REV1: variants seen among roughly 807,000 people sequenced by gnomAD.
The protein encoded by REV1 is REV1 DNA directed polymerase.
Under a neutral mutation model 137.4 loss-of-function variants are expected in REV1, and 42 were observed. The ratio of observed to expected loss-of-function variants is 0.31; its 90% CI spans 0.24 to 0.40. The LOEUF is 0.40. Ranked by LOEUF, REV1 falls within the 10% of genes least tolerant of loss-of-function variation. The pLI, the probability that REV1 is intolerant of heterozygous loss-of-function variation, is 1.00. For synonymous variants in REV1, 524 were observed against 519.2 expected (o/e 1.01, Z -0.12); for missense variants, 1,282 against 1,490.1 (o/e 0.86, Z 2.30).
intron 3 of REV1, among the ~76,000 whole-genome samples, chr2:99,458,682 C>A (rs951406050): frequency 2.0e-5 from 3 of 152,166 alleles, no homozygotes; most frequent in Non-Finnish European, 2.9e-5. Context: ...TACATCCACA[C>A]TATGAAATAT....
chr2:99,458,197 CAAAG>C (rs1683746557), intron 3 of REV1, among the ~76,000 whole-genome samples: 1 of 151,888 alleles, frequency 6.6e-6, no homozygotes, highest in Non-Finnish European at 1.5e-5. Context: ...ACTTTTATGA[CAAAG>C]CAGTAGTCTC....
chr2:99,419,394 T>C (rs1678356338), intron 11 of REV1, among the ~76,000 whole-genome samples: 1 of 151,712 alleles, frequency 6.6e-6, no homozygotes, highest in South Asian at 2.1e-4. Context: ...TCTGTATTTT[T>C]ACAGACGGGG....
At chr2:99,414,979 A>G (rs1004308264) in intron 12 of REV1, among the ~76,000 whole-genome samples, 3 of 152,238 alleles carry the variant, frequency 2.0e-5, no homozygotes, top group East Asian at 1.9e-4. Context: ...ACCGTAATCA[A>G]TCTAATCTAA....
intron 17 of REV1, 40 bp from the exon 18 acceptor site, chr2:99,404,717 G>A: frequency 7.2e-7 from 1 of 1,391,066 alleles, no homozygotes; most frequent in Non-Finnish European, 1.0e-6. Context: ...GTTAAAGCAT[G>A]CTCAGAGATG....
At chr2:99,437,347 T>C (rs1680897502) in intron 6 of REV1, among the ~76,000 whole-genome samples, 1 of 152,078 alleles carries the variant, frequency 6.6e-6, no homozygotes, top group Non-Finnish European at 1.5e-5. Flanking sequence ...ATCACTTCTA[T>C]TCACAAAGAA....
intron 18 of REV1, 86 bp downstream of exon 18, chr2:99,404,358 A>G: frequency 1.4e-6 from 1 of 732,384 alleles, no homozygotes; most frequent in Non-Finnish European, 2.2e-6. Context: ...GATACAGAGG[A>G]GAAAGGGAAG....
At position 99,472,516 on chromosome 2, in the gene REV1, T is replaced by G. The variant is rs79084445; in HGVS notation, c.-10-7531A>C. On this transcript the variant is annotated intron_variant, in intron 1 of 22. Coordinates refer to ENST00000258428, the MANE Select transcript of REV1 (RefSeq NM_016316.4). ...ACTGAACAGTTAAAATGGTAAACTT[T>G]TATATGTATCGTACCACAATTAAGA... Among the ~76,000 whole-genome samples, 429 of 152,300 alleles carry G rather than the reference T, an allele frequency of 2.8e-3. 2 individuals are homozygous for G. The highest frequency in any genetic ancestry group is 5.3e-3 in the Non-Finnish European group (361 of 68,034).
chr2:99,486,151 C>A (rs1405957874), intron 1 of REV1, among the ~76,000 whole-genome samples: 1 of 152,102 alleles, frequency 6.6e-6, no homozygotes, highest in Non-Finnish European at 1.5e-5. Context: ...GAAAAAAATT[C>A]AATTAACCCA....
chr2:99,454,587 A>C (rs28612467), intron 3 of REV1, among the ~76,000 whole-genome samples: 4 of 90,278 alleles, frequency 4.4e-5, no homozygotes, highest in African/African-American at 4.7e-5. Context: ...AAAAAAAAAA[A>C]AAAACCCAAA....
chr2:99,477,027 A>G (rs1377222837), intron 1 of REV1, among the ~76,000 whole-genome samples: 1 of 152,160 alleles, frequency 6.6e-6, no homozygotes, highest in Admixed American at 6.5e-5. Context: ...TAACCTAAGG[A>G]TGGTGTGGAT....
chr2:99,431,871 T>C (rs779145394), intron 8 of REV1: 12 of 985,238 alleles, frequency 1.2e-5, no homozygotes, highest in Non-Finnish European at 1.3e-5. Flanking sequence ...TCATCAAAAC[T>C]TGACAAACTA....
intron 5 of REV1, among the ~76,000 whole-genome samples, chr2:99,441,098 G>A (rs1030060692): frequency 1.3e-5 from 2 of 150,856 alleles, no homozygotes; most frequent in African/African-American, 4.8e-5. Flanking sequence ...TTATTAATGT[G>A]GGTAAGAAAA....
At chr2:99,409,673 A>G (rs984949414) in intron 14 of REV1, among the ~76,000 whole-genome samples, 4 of 152,004 alleles carry the variant, frequency 2.6e-5, no homozygotes, top group African/African-American at 7.2e-5. Flanking sequence ...GTGAAACCCT[A>G]TCTCTACTGA....
At chr2:99,442,632 T>C (rs1681665246) in intron 4 of REV1, among the ~76,000 whole-genome samples, 163 bp from the exon 5 acceptor site, 1 of 152,184 alleles carries the variant, frequency 6.6e-6, no homozygotes, top group East Asian at 1.9e-4. Flanking sequence ...TAATACAATA[T>C]GATCTTAGAG....
chr2:99,432,328 CT>C (rs199919186), intron 8 of REV1, among the ~76,000 whole-genome samples: 7 of 149,492 alleles, frequency 4.7e-5, no homozygotes, highest in African/African-American at 1.2e-4. Context: ...TAGAACTGAT[CT>C]TTTTTTTTTC....
rs372395154 is a variant in REV1, at chr2:99,482,932, G to A, written c.-11+6885C>T. Among the ~76,000 whole-genome samples, 13 of 151,044 alleles carry A rather than the reference G, an allele frequency of 8.6e-5. No individual in the cohort carries two copies. The East Asian group carries it at 9.8e-4, about 11-fold the overall frequency. ...CTTGGGAGGCTGAGGCAGGACAATC[G>A]CTTGAACCTGGGAGGAGGAGGTTGC... On this transcript the variant is annotated intron_variant, in intron 1 of 22. Coordinates refer to ENST00000258428, the MANE Select transcript of REV1 (RefSeq NM_016316.4).
At position 99,465,894 on chromosome 2, in the gene REV1, C is replaced by G. The variant is rs564738598; in HGVS notation, c.-10-909G>C. Among the ~76,000 whole-genome samples, 13 of 152,276 alleles carry G rather than the reference C, an allele frequency of 8.5e-5. No homozygotes were observed. In the South Asian group the frequency reaches 2.7e-3, roughly 32 times the overall value. On this transcript the variant is annotated intron_variant, in intron 1 of 22. Transcript: ENST00000258428. ...TACTTAACAACACCTTAAACCATGA[C>G]ACTTTACCCCACACACATTAGCAGA...
intron 15 of REV1, 160 bp from the exon 16 acceptor site, chr2:99,406,650 T>TA (rs1676335696): frequency 2.0e-6 from 1 of 507,180 alleles, no homozygotes; most frequent in Admixed American, 4.1e-5. Flanking sequence ...TATGACTTAT[T>TA]ACAAAAACAA....
chr2:99,454,778 T>C (rs1575157087), intron 3 of REV1, among the ~76,000 whole-genome samples: 1 of 152,112 alleles, frequency 6.6e-6, no homozygotes, highest in East Asian at 1.9e-4. Flanking sequence ...ACTCCTACTA[T>C]TAGTTTTATT....
Sources: allele counts gnomAD v4.1 joint callset (sites outside exome capture counted in the v4.1 genomes callset), GRCh38; gene constraint gnomAD v4.1.1; transcripts MANE v1.5; gene names NCBI Gene and HGNC (gene_info 2026-07-23, HGNC 2026-07-21).